The following TBCD variants were observed in gnomAD, a reference collection of about 807,000 sequenced individuals.
TBCD encodes the protein tubulin folding cofactor D.
In TBCD, 105 loss-of-function variants were observed where a neutral mutation model predicts 169.3. The observed-to-expected ratio is 0.62, with a 90% CI of 0.53 to 0.73. TBCD has a LOEUF of 0.73. Ranked by LOEUF, TBCD falls within the 30% of genes least tolerant of loss-of-function variation. TBCD has a pLI of 0.00. For synonymous variants in TBCD, 700 were observed against 643.9 expected, an observed-to-expected ratio of 1.09 and a Z score of -1.32; for missense variants, 1,444 against 1,600.1, an observed-to-expected ratio of 0.90 and a Z score of 1.66.
At chr17:82,756,041 T>C in intron 1 of TBCD, 124 bp from the exon 2 acceptor site, 1 of 824,148 alleles carries the variant, frequency 1.2e-6, no homozygotes, top group Non-Finnish European at 2.0e-6. Context: ...GGAGGTGTGC[T>C]CTTGAGAGCT....
chr17:82,850,346 T>C (rs1487695562), intron 13 of TBCD, among the ~76,000 whole-genome samples: 2 of 145,996 alleles, frequency 1.4e-5, no homozygotes, highest in African/African-American at 5.1e-5. Flanking sequence ...GGCTGTGCTG[T>C]TGTTGGCTGT....
chr17:82,805,142 C>G (rs950203564), intron 9 of TBCD, among the ~76,000 whole-genome samples: 2 of 152,250 alleles, frequency 1.3e-5, no homozygotes, highest in African/African-American at 4.8e-5. Context: ...CAGCGCAGGG[C>G]TGGGCTGCAC....
chr17:82,832,579 A>C lies in TBCD; in HGVS notation c.1318+17645A>C. 1 of 844,460 alleles carries C rather than the reference A, an allele frequency of 1.2e-6. No individual in the cohort carries two copies. The highest frequency in any genetic ancestry group is 1.4e-5 in the South Asian group (1 of 69,686). The allele number at this position is 844,460 out of a possible 1,614,324, so 52.3% of individuals were successfully genotyped here. A position where few individuals can be genotyped will look rare whatever the true frequency, so the allele number is the denominator to read the frequency against. On this transcript the variant is annotated intron_variant, in intron 13 of 38. Coordinates refer to ENST00000355528, the MANE Select transcript of TBCD (RefSeq NM_005993.5). This position sits in a 1 kb window ranked among gnomAD's most constrained non-coding sequence, Gnocchi z 4.9. Reference sequence around the variant, plus strand: ...TTTCTTTCCCGATCACTTCTATCAGAAGCCAGCTCTGCGTGCTGAGGGTCT... The same window carrying C: ...TTTCTTTCCCGATCACTTCTATCAGCAGCCAGCTCTGCGTGCTGAGGGTCT...
rs2063621455 is a variant in TBCD at position 82,945,380 on chromosome 17, G to A, written c.*2917G>A. ...CATGCAACAGTCCCCAGATACAGAA[G>A]CCTAACAGTCTCACATTTAGACCTG... is the stretch of plus-strand genomic sequence containing the variant. On this transcript the variant is annotated 3_prime_UTR_variant, in exon 39 of 39. Transcript: ENST00000355528. 6.6e-6 allele frequency: 1 copy of A among 152,206 alleles called. No individual in the cohort carries two copies. Among genetic ancestry groups the A allele is most frequent in the African/African-American group, 2.4e-5 (1 of 41,440 alleles). 9.4% of individuals were successfully genotyped at this position (152,206 alleles called of 1,614,324 possible).
In TBCD at chr17:82,806,594, C is replaced by T. The variant is rs974360201; in HGVS notation, c.1087+583C>T. Among the ~76,000 whole-genome samples the T allele has an allele frequency of 6.6e-6, 1 of 152,122 alleles. No individual in the cohort carries two copies. Among genetic ancestry groups the T allele is most frequent in the Non-Finnish European group, 1.5e-5 (1 of 68,010 alleles). ...TCTTCCCTGGACCCAGGCAGGGCCT[C>T]TTCATGTCCCCTCCCTGTGAGGCCC... On this transcript the variant is annotated intron_variant, in intron 10 of 38. Coordinates refer to ENST00000355528, the MANE Select transcript of TBCD (RefSeq NM_005993.5). The surrounding 1 kb of genome is among the most constrained non-coding windows in gnomAD (Gnocchi z 5.1).
At chr17:82,921,635 C>T (rs1339616356) in intron 25 of TBCD, 58 bp downstream of exon 25, 12 of 1,533,138 alleles carry the variant, frequency 7.8e-6, no homozygotes, top group African/African-American at 6.8e-5. Flanking sequence ...GTGTTAGTCA[C>T]GGATGGTGTT....
At chr17:82,862,155 C>T (rs1567909968) in intron 13 of TBCD, among the ~76,000 whole-genome samples, 1 of 152,152 alleles carries the variant, frequency 6.6e-6, no homozygotes, top group African/African-American at 2.4e-5. Context: ...ATCTCCTGAC[C>T]TCATGATCTG....
At chr17:82,866,044 G>A (rs1310309875) in intron 13 of TBCD, among the ~76,000 whole-genome samples, 3 of 152,184 alleles carry the variant, frequency 2.0e-5, no homozygotes, top group East Asian at 3.8e-4. Context: ...CTATTGGATA[G>A]TTTCCTTATT....
At chr17:82,776,938 T>A (rs2144194219) in intron 6 of TBCD, among the ~76,000 whole-genome samples, 1 of 152,288 alleles carries the variant, frequency 6.6e-6, no homozygotes, top group African/African-American at 2.4e-5. Flanking sequence ...TGTTACATAC[T>A]CCGCTTCGTG....
chr17:82,926,754 AG>A, intron 28 of TBCD: 1 of 561,620 alleles, frequency 1.8e-6, no homozygotes. Flanking sequence ...GTTGGCAAAG[AG>A]GAGCTGACCC....
intron 16 of TBCD, 127 bp from the exon 17 acceptor site, chr17:82,893,420 G>A: frequency 1.4e-6 from 1 of 695,016 alleles, no homozygotes; most frequent in South Asian, 1.9e-5. Flanking sequence ...TGTGTGGCTT[G>A]CTCACCACCT....
intron 7 of TBCD, among the ~76,000 whole-genome samples, chr17:82,790,793 C>T (rs1015807893): frequency 2.0e-5 from 3 of 152,174 alleles, no homozygotes; most frequent in Non-Finnish European, 1.5e-5. Context: ...CATCCACTGG[C>T]CTCCTGGTTG....
At chr17:82,936,846 C>G (rs972523312) in intron 34 of TBCD, among the ~76,000 whole-genome samples, 38 of 152,256 alleles carry the variant, frequency 2.5e-4, no homozygotes, top group African/African-American at 8.9e-4. Flanking sequence ...CTCAAAACAA[C>G]ACTGCACAGC....
intron 19 of TBCD, among the ~76,000 whole-genome samples, chr17:82,904,972 G>A (rs895827323): frequency 2.6e-5 from 4 of 152,156 alleles, no homozygotes; most frequent in Non-Finnish European, 5.9e-5. Flanking sequence ...ACCCCCAGCC[G>A]CCACATCTTA....
intron 2 of TBCD, among the ~76,000 whole-genome samples, chr17:82,757,692 C>T (rs1482357866): frequency 1.3e-5 from 2 of 151,994 alleles, no homozygotes; most frequent in African/African-American, 4.8e-5. Flanking sequence ...CAGACTTGTC[C>T]TTCTGTCCTA....
In TBCD at chr17:82,800,954, G is replaced by T; in HGVS notation, c.908G>T (p.Arg303Leu). Residue 303 changes from arginine (R) to leucine (L), a missense_variant, in exon 9 of 39, where the codon CGA becomes CTA. Coordinates refer to ENST00000355528, the MANE Select transcript of TBCD (RefSeq NM_005993.5). Reference sequence around the variant, plus strand: ...AAGCTGGGGGTGAAGCTTGTGCAGCGACTGGGGCTGACATTCCTGAAGCCG... The same window carrying T: ...AAGCTGGGGGTGAAGCTTGTGCAGCTACTGGGGCTGACATTCCTGAAGCCG... ...LRKLGVKLVQ[R>L]LGLTFLKPKV... 6.2e-6 allele frequency: 10 copies of T among 1,611,798 alleles called. No individual in the cohort carries two copies. The highest frequency in any genetic ancestry group is 8.5e-6 in the Non-Finnish European group (10 of 1,179,270).
chr17:82,753,567 C>T (rs1027647940), intron 1 of TBCD, among the ~76,000 whole-genome samples: 1 of 149,556 alleles, frequency 6.7e-6, no homozygotes, highest in Non-Finnish European at 1.5e-5. Flanking sequence ...AGCTATTCTC[C>T]TGTCTTAGCC....
intron 13 of TBCD, among the ~76,000 whole-genome samples, chr17:82,861,525 G>A (rs978969992): frequency 1.3e-5 from 2 of 152,250 alleles, no homozygotes; most frequent in Middle Eastern, 3.2e-3. Flanking sequence ...ATCCAGGGGC[G>A]TCAAGAGACC....
intron 17 of TBCD, among the ~76,000 whole-genome samples, chr17:82,897,162 TC>T (rs997204644): frequency 2.1e-4 from 32 of 152,242 alleles, no homozygotes; most frequent in Admixed American, 5.9e-4. Context: ...ACATATTTCC[TC>T]CTGCTCCGTG....
Sources: gnomAD v4.1 joint callset for allele counts (sites outside exome capture counted in the v4.1 genomes callset) on GRCh38, gnomAD v4.1.1 for gene constraint, Gnocchi (gnomAD v3.1) non-coding constraint, MANE v1.5 for transcripts, NCBI Gene and HGNC (gene_info 2026-07-23, HGNC 2026-07-21) for gene names.